ZBTB7C: variants seen among roughly 807,000 people sequenced by gnomAD.
The protein encoded by ZBTB7C is zinc finger and BTB domain-containing protein 7C.
In ZBTB7C, 8 loss-of-function variants were observed where a neutral mutation model predicts 25.7. That is an observed-to-expected ratio of 0.31 (90% CI 0.18 to 0.56). The LOEUF is 0.56. Among genes scored for constraint, ZBTB7C ranks in the 20% least tolerant of loss-of-function variants. The pLI, the probability that ZBTB7C is intolerant of heterozygous loss-of-function variation, is 0.91. For missense variants in ZBTB7C, 824 were observed against 855.2 expected (o/e 0.96, Z 0.46); for synonymous variants, 394 against 369.0 (o/e 1.07, Z -0.78).
intron 1 of ZBTB7C, among the ~76,000 whole-genome samples, chr18:48,359,846 T>C (rs1359198131): frequency 2.0e-5 from 3 of 152,210 alleles, no homozygotes. Context: ...TAGAGACCCC[T>C]GCCCTTCTAG....
At chr18:48,104,143 C>A (rs1179751379) in intron 3 of ZBTB7C, among the ~76,000 whole-genome samples, 2 of 152,162 alleles carry the variant, frequency 1.3e-5, no homozygotes, top group Non-Finnish European at 2.9e-5. Flanking sequence ...GGAAATATGA[C>A]CTCCAATGTT....
chr18:48,091,415 G>T (rs12959562), intron 3 of ZBTB7C, among the ~76,000 whole-genome samples: 1 of 151,964 alleles, frequency 6.6e-6, no homozygotes, highest in Non-Finnish European at 1.5e-5. Context: ...TCAATAATAA[G>T]AAATAGTATG....
intron 1 of ZBTB7C, among the ~76,000 whole-genome samples, chr18:48,357,134 T>C (rs1264329378): frequency 2.0e-5 from 3 of 152,170 alleles, no homozygotes; most frequent in Admixed American, 1.3e-4. Flanking sequence ...GATCACCAGA[T>C]TGTCACCTTG....
In ZBTB7C at chr18:48,040,886, G is replaced by C; in HGVS notation, c.222C>G (p.Val74=). ...CAGGCTGGACAAAGTCGATCTCATA[G>C]ACGTAGGGCTGGCTGGCTAGGGTGC... is the stretch of plus-strand genomic sequence containing the variant. ...TAGTLASQPY[V]YEIDFVQPEA... The change falls in exon 4 of 5, where the codon GTC becomes GTG. Residue 74 remains valine, a synonymous_variant. Transcript: ENST00000590800. 1 of 1,614,174 alleles carries C rather than the reference G, an allele frequency of 6.2e-7. No individual in the cohort carries two copies. The highest frequency in any genetic ancestry group is 8.5e-7 in the Non-Finnish European group (1 of 1,180,040).
intron 4 of ZBTB7C, 74 bp from the exon 5 acceptor site, chr18:48,029,985 C>G: frequency 6.3e-7 from 1 of 1,589,794 alleles, no homozygotes; most frequent in Non-Finnish European, 8.5e-7. Flanking sequence ...CTCCCCCTTT[C>G]TCCAGAACCA....
intron 1 of ZBTB7C, among the ~76,000 whole-genome samples, chr18:48,349,655 G>T (rs1190379030): frequency 6.6e-6 from 1 of 152,184 alleles, no homozygotes; most frequent in Non-Finnish European, 1.5e-5. Context: ...TCCAGAGGTG[G>T]TAGATCCTCC....
intron 2 of ZBTB7C, among the ~76,000 whole-genome samples, chr18:48,231,454 G>A (rs567674247): frequency 6.6e-6 from 1 of 152,104 alleles, no homozygotes; most frequent in Non-Finnish European, 1.5e-5. Flanking sequence ...TGCCTGCAGA[G>A]AGCAGTTACC....
chr18:48,357,654 C>G (rs936087992), intron 1 of ZBTB7C, among the ~76,000 whole-genome samples: 2 of 152,206 alleles, frequency 1.3e-5, no homozygotes, highest in Non-Finnish European at 2.9e-5. Flanking sequence ...AGTATTTGAA[C>G]TTTGCCCCAC....
At chr18:48,185,906 G>C (rs2042042250) in intron 3 of ZBTB7C, 28 bp downstream of exon 3, 1 of 152,240 alleles carries the variant, frequency 6.6e-6, no homozygotes, top group Non-Finnish European at 1.5e-5. Flanking sequence ...TTAAGCCACA[G>C]AACTAAAAAA....
intron 3 of ZBTB7C, among the ~76,000 whole-genome samples, chr18:48,089,387 G>T (rs550549491): frequency 5.4e-4 from 82 of 151,658 alleles, no homozygotes; most frequent in African/African-American, 1.9e-3. Flanking sequence ...CAGGAGAATC[G>T]CTTGAACCCG....
chr18:48,091,238 ATTTTTTTTTTTT>A (rs35051690), intron 3 of ZBTB7C, among the ~76,000 whole-genome samples: 6 of 64,670 alleles, frequency 9.3e-5, no homozygotes, highest in Admixed American at 2.2e-4. Context: ...TGCCCGGATA[ATTTTTTTTTTTT>A]TTTTTTTTTT....
At chr18:48,141,144 CCA>C (rs1491099311) in intron 3 of ZBTB7C, among the ~76,000 whole-genome samples, 1,057 of 58,946 alleles carry the variant, frequency 0.018, 27 homozygotes, top group African/African-American at 0.055. Flanking sequence ...CCCCCCCGCA[CCA>C]CCCCCCCCAC....
intron 3 of ZBTB7C, among the ~76,000 whole-genome samples, chr18:48,160,778 G>C (rs1422240050): frequency 6.6e-6 from 1 of 152,048 alleles, no homozygotes; most frequent in Non-Finnish European, 1.5e-5. Flanking sequence ...TGGCCGCAGG[G>C]AGAGACACCT....
chr18:48,385,605 C>T (rs1396938223), intron 1 of ZBTB7C, among the ~76,000 whole-genome samples: 3 of 152,248 alleles, frequency 2.0e-5, no homozygotes, highest in African/African-American at 2.4e-5. Flanking sequence ...AAGGCAGGCC[C>T]GCCCGGAACG....
intron 1 of ZBTB7C, among the ~76,000 whole-genome samples, chr18:48,368,924 G>C (rs2047319255): frequency 6.6e-6 from 1 of 152,126 alleles, no homozygotes; most frequent in South Asian, 2.1e-4. Context: ...CCATCCCCTG[G>C]AGAAAAACGG....
chr18:48,334,786 A>G (rs1481592879), intron 2 of ZBTB7C, among the ~76,000 whole-genome samples: 1 of 152,234 alleles, frequency 6.6e-6, no homozygotes, highest in Non-Finnish European at 1.5e-5. Context: ...TAAGGTAGGA[A>G]CAGGCCTTTG....
intron 3 of ZBTB7C, among the ~76,000 whole-genome samples, chr18:48,059,013 C>T (rs141893491): frequency 1.1e-3 from 169 of 152,312 alleles, no homozygotes; most frequent in African/African-American, 3.9e-3. Flanking sequence ...TGAGCCAGAA[C>T]GTTCCAGCTA....
intron 3 of ZBTB7C, among the ~76,000 whole-genome samples, chr18:48,163,918 TA>T (rs1452063096): frequency 6.6e-6 from 1 of 152,166 alleles, no homozygotes; most frequent in Non-Finnish European, 1.5e-5. Flanking sequence ...TGGAGGGGGT[TA>T]ACTAGGTGGA....
intron 2 of ZBTB7C, among the ~76,000 whole-genome samples, chr18:48,279,552 G>A (rs1046504659): frequency 5.3e-5 from 8 of 152,208 alleles, no homozygotes; most frequent in African/African-American, 1.9e-4. Context: ...GGCCTGGGGT[G>A]GTGGTTCTGT....
Sources: gnomAD v4.1 joint callset for allele counts (sites outside exome capture counted in the v4.1 genomes callset) on GRCh38, gnomAD v4.1.1 for gene constraint, MANE v1.5 for transcripts, NCBI Gene and HGNC (gene_info 2026-07-23, HGNC 2026-07-21) for gene names.